The following TMEM181 variants were observed in gnomAD, a reference collection of about 807,000 sequenced individuals.
The protein encoded by TMEM181 is transmembrane protein 181, also known as G protein-coupled receptor 178.
TMEM181 carries 39 observed loss-of-function variants against 71.9 expected under a neutral mutation model. That is an observed-to-expected ratio of 0.54 (90% CI 0.42 to 0.71). The LOEUF is 0.71. Ranked by LOEUF, TMEM181 falls within the 30% of genes least tolerant of loss-of-function variation. The pLI is 0.00. For missense variants in TMEM181, 595 were observed against 583.0 expected (o/e 1.02, Z -0.21); for synonymous variants, 245 against 228.8 (o/e 1.07, Z -0.64).
Position 158,603,588 on chromosome 6 carries a change from G to GTT in TMEM181, c.493-1661_493-1660dup, listed in dbSNP as rs35319740. 1.8e-3 allele frequency among the ~76,000 whole-genome samples: 241 copies of GTT among 136,024 alleles called. 3 individuals are homozygous for GTT. The highest frequency in any genetic ancestry group is 7.7e-3 in the Middle Eastern group (2 of 260). 89.2% of individuals were successfully genotyped at this position (136,024 alleles called of 152,430 possible). A position where few individuals can be genotyped will look rare whatever the true frequency, so the allele number is the denominator to read the frequency against. On this transcript the variant is annotated intron_variant, in intron 6 of 16. Transcript: ENST00000684151. ...CGATGCTATGTTGATTTTTTTTCAG[G>GTT]TTTTTTTTTTTTTTTTTTTAGTTTT...
intron 6 of TMEM181, among the ~76,000 whole-genome samples, chr6:158,598,714 C>T (rs1221598984): frequency 2.0e-5 from 3 of 150,340 alleles, no homozygotes; most frequent in Admixed American, 6.6e-5. Flanking sequence ...TGCTCTGTTG[C>T]GTAGGCTGGA....
chr6:158,584,018 GT>G lies in TMEM181; in HGVS notation c.234del (p.Cys78TrpfsTer19). Reference sequence around the variant, plus strand: ...TACAATCAGCAACTATGGCTGACATGTGTTGTTGAGTTGGATCAATCAAAAG... The same window carrying G: ...TACAATCAGCAACTATGGCTGACATGGTTGTTGAGTTGGATCAATCAAAAG... ...STYNQQLWLT[C>X]VVELDQSKET... On this transcript the variant is annotated frameshift_variant, in exon 4 of 17. Transcript: ENST00000684151. LOFTEE classifies it high-confidence loss of function. 1 of 1,612,012 alleles carries G rather than the reference GT, an allele frequency of 6.2e-7. No individual in the cohort carries two copies. The highest frequency in any genetic ancestry group is 8.5e-7 in the Non-Finnish European group (1 of 1,178,882).
intron 6 of TMEM181, among the ~76,000 whole-genome samples, chr6:158,602,196 C>T (rs1312416368): frequency 2.6e-5 from 4 of 152,132 alleles, no homozygotes; most frequent in Admixed American, 1.3e-4. Flanking sequence ...AATTGTTTCA[C>T]GTAGCATAAT....
chr6:158,604,118 TTCTC>T (rs901961235), intron 6 of TMEM181, among the ~76,000 whole-genome samples: 2 of 152,226 alleles, frequency 1.3e-5, no homozygotes, highest in South Asian at 2.1e-4. Flanking sequence ...GGGAGGTTCG[TTCTC>T]TCTCTGTACA....
chr6:158,586,935 G>A (rs1783807509), intron 5 of TMEM181, among the ~76,000 whole-genome samples: 1 of 152,124 alleles, frequency 6.6e-6, no homozygotes, highest in Admixed American at 6.6e-5. Flanking sequence ...GGAGGGGTGC[G>A]ATCAGTACTG....
rs200418727 is a variant in TMEM181, at chr6:158,583,938, GT to G, written c.169-7del. The G allele has an allele frequency of 3.6e-5, 54 of 1,509,410 alleles. No individual in the cohort carries two copies. Among genetic ancestry groups the G allele is most frequent in the Admixed American group, 7.4e-5 (4 of 54,378 alleles). 93.5% of individuals were successfully genotyped at this position (1,509,410 alleles called of 1,614,324 possible). On this transcript the variant is annotated splice_polypyrimidine_tract_variant and intron_variant, in intron 3 of 16. Coordinates refer to ENST00000684151, the MANE Select transcript of TMEM181 (RefSeq NM_001376852.1). ...ATGAAAAGGTCACATGGATTACTTTGTTTTTTTTTCTTCAGCTAAAGCCAAT... is the reference window on the plus strand; with the variant it reads ...ATGAAAAGGTCACATGGATTACTTTGTTTTTTTTCTTCAGCTAAAGCCAAT...
intron 10 of TMEM181, among the ~76,000 whole-genome samples, chr6:158,618,164 G>A (rs968259473): frequency 2.0e-5 from 3 of 152,226 alleles, no homozygotes; most frequent in African/African-American, 7.2e-5. Context: ...GGTTGCTCCT[G>A]TATTGGGTGC....
intron 5 of TMEM181, 128 bp downstream of exon 5, chr6:158,585,553 T>G (rs911872492): frequency 1.6e-6 from 2 of 1,212,662 alleles, no homozygotes; most frequent in African/African-American, 3.1e-5. Context: ...GTGAAAAAAA[T>G]GGAGTCATAC....
intron 12 of TMEM181, 97 bp downstream of exon 12, chr6:158,625,303 G>T: frequency 1.9e-6 from 2 of 1,071,680 alleles, no homozygotes; most frequent in Non-Finnish European, 2.9e-6. Context: ...GGCCTTCCTT[G>T]AGGGCCCAGG....
intron 5 of TMEM181, 66 bp from the exon 6 acceptor site, chr6:158,589,606 A>G: frequency 1.6e-6 from 2 of 1,234,274 alleles, no homozygotes; most frequent in South Asian, 1.2e-5. Context: ...GTGTTACTTC[A>G]TGGGTTATTT....
intron 14 of TMEM181, 115 bp downstream of exon 14, chr6:158,628,605 C>T (rs1376269078): frequency 1.2e-6 from 1 of 833,348 alleles, no homozygotes; most frequent in Non-Finnish European, 1.9e-6. Context: ...GCGCCCTGTT[C>T]TCCGGAGGCC....
intron 10 of TMEM181, among the ~76,000 whole-genome samples, chr6:158,609,068 A>G (rs1785135380): frequency 6.6e-6 from 1 of 151,644 alleles, no homozygotes; most frequent in Admixed American, 6.6e-5. Flanking sequence ...ACTGCACTCC[A>G]GCCTGGGCAA....
chr6:158,608,963 T>A (rs1056048333), intron 10 of TMEM181, among the ~76,000 whole-genome samples: 9 of 152,082 alleles, frequency 5.9e-5, no homozygotes, highest in Admixed American at 1.3e-4. Context: ...CTGGCCGTGG[T>A]GGCGCATGCC....
upstream of TMEM181, among the ~76,000 whole-genome samples, chr6:158,557,755 G>A (rs1418047450): frequency 6.6e-6 from 1 of 152,176 alleles, no homozygotes; most frequent in African/African-American, 2.4e-5. Context: ...GAGCTCAGGT[G>A]ATCCCCGCCT....
chr6:158,586,963 G>A (rs1002868056), intron 5 of TMEM181, among the ~76,000 whole-genome samples: 3 of 152,154 alleles, frequency 2.0e-5, no homozygotes, highest in South Asian at 4.1e-4. Flanking sequence ...GATAACAGGT[G>A]TGAGTGTCAG....
At chr6:158,563,864 C>T (rs945165363) in intron 1 of TMEM181, among the ~76,000 whole-genome samples, 3 of 152,166 alleles carry the variant, frequency 2.0e-5, no homozygotes, top group African/African-American at 7.2e-5. Context: ...TCACTGCAAC[C>T]TTTGCCTCCC....
intron 6 of TMEM181, among the ~76,000 whole-genome samples, chr6:158,596,313 G>A (rs6927302): frequency 1.3e-5 from 2 of 152,040 alleles, no homozygotes; most frequent in Non-Finnish European, 2.9e-5. Flanking sequence ...CTGTACGGCC[G>A]CACGTTTCTT....
At chr6:158,573,378 G>A (rs1039013066) in intron 1 of TMEM181, 42 bp from the exon 2 acceptor site, 4 of 1,503,524 alleles carry the variant, frequency 2.7e-6, no homozygotes, top group Middle Eastern at 3.5e-4. Context: ...TGACCTCCGG[G>A]CCTTCCCCTG....
At chr6:158,613,077 C>T (rs191943341) in intron 10 of TMEM181, among the ~76,000 whole-genome samples, 202 of 152,228 alleles carry the variant, frequency 1.3e-3, no homozygotes, top group African/African-American at 4.7e-3. Context: ...ATATTTAGGA[C>T]GTTCCTCTGG....
Sources: allele counts gnomAD v4.1 joint callset (sites outside exome capture counted in the v4.1 genomes callset), GRCh38; gene constraint gnomAD v4.1.1; transcripts MANE v1.5; gene names NCBI Gene and HGNC (gene_info 2026-07-23, HGNC 2026-07-21).